Variants in FAM76A observed in about 807,000 individuals in gnomAD.
FAM76A encodes family with sequence similarity 76 member A, also known as protein FAM76A.
A neutral mutation model predicts 46.2 loss-of-function variants in FAM76A; 32 were observed. That is an observed-to-expected ratio of 0.69 (90% confidence interval 0.52 to 0.93). FAM76A has a LOEUF of 0.93. Among genes scored for constraint, FAM76A ranks in the 40% least tolerant of loss-of-function variants. FAM76A has a pLI of 0.00. For synonymous variants in FAM76A, 137 were observed against 127.0 expected, an observed-to-expected ratio of 1.08 and a Z score of -0.53; for missense variants, 274 against 361.5, an observed-to-expected ratio of 0.76 and a Z score of 1.96.
At chr1:27,741,170 C>A (rs2088145714) in intron 4 of FAM76A, among the ~76,000 whole-genome samples, 1 of 150,376 alleles carries the variant, frequency 6.6e-6, no homozygotes, top group South Asian at 2.1e-4. Context: ...TGGTGAAATA[C>A]CCAGTTTTTA....
At chr1:27,748,552 G>A (rs1468273197) in intron 5 of FAM76A, among the ~76,000 whole-genome samples, 1 of 39,560 alleles carries the variant, frequency 2.5e-5, no homozygotes, top group Non-Finnish European at 5.5e-5. Context: ...ATTGATCTCG[G>A]CTCACTGCAG....
At chr1:27,753,264 G>A (rs1347486216) in intron 6 of FAM76A, among the ~76,000 whole-genome samples, 1 of 152,202 alleles carries the variant, frequency 6.6e-6, no homozygotes, top group Non-Finnish European at 1.5e-5. Context: ...CTATTTATTG[G>A]TATGGGGGGA....
intron 3 of FAM76A, 83 bp from the exon 4 acceptor site, chr1:27,733,948 A>G: frequency 7.3e-7 from 1 of 1,378,876 alleles, no homozygotes; most frequent in Non-Finnish European, 1.0e-6. Flanking sequence ...CTAATGAACT[A>G]CAAAGTAGGA....
chr1:27,750,742 A>G (rs1243672228), intron 6 of FAM76A, among the ~76,000 whole-genome samples: 1 of 152,214 alleles, frequency 6.6e-6, no homozygotes, highest in Non-Finnish European at 1.5e-5. Context: ...TGGATACACC[A>G]AGCTAAAAAC....
chr1:27,729,762 T>TTG (rs1021465338), intron 2 of FAM76A, among the ~76,000 whole-genome samples: 3 of 152,110 alleles, frequency 2.0e-5, no homozygotes, highest in South Asian at 2.1e-4. Flanking sequence ...GCAGCTCTTT[T>TTG]TGTGTGTGTG....
intron 6 of FAM76A, among the ~76,000 whole-genome samples, chr1:27,754,703 C>T (rs945622467): frequency 1.3e-5 from 2 of 151,996 alleles, no homozygotes; most frequent in African/African-American, 2.4e-5. Flanking sequence ...AGCAGCTTCT[C>T]GGCAGATACA....
Position 27,761,335 on chromosome 1 carries a change from TAAA to T in FAM76A, c.*757_*759del, listed in dbSNP as rs1272049979. The T allele has an allele frequency of 1.3e-5, 2 of 152,652 alleles. No homozygotes were observed. The highest frequency in any genetic ancestry group is 4.8e-5 in the African/African-American group (2 of 41,544). The allele number at this position is 152,652 out of a possible 1,614,324, so 9.5% of individuals were successfully genotyped here. ...TTTCTTTCTTGTTACCTTGGAGTCT[TAAA>T]AACTGATTGCTAAGGTGAAACAATT... On this transcript the variant is annotated 3_prime_UTR_variant, in exon 9 of 9. Coordinates refer to ENST00000373954, the MANE Select transcript of FAM76A (RefSeq NM_152660.3).
At chr1:27,737,163 G>C (rs902888917) in intron 4 of FAM76A, among the ~76,000 whole-genome samples, 2 of 152,010 alleles carry the variant, frequency 1.3e-5, no homozygotes, top group South Asian at 4.2e-4. Flanking sequence ...TAGTCAGGCT[G>C]CTCTCGAATT....
chr1:27,750,893 G>T (rs947471630), intron 6 of FAM76A, among the ~76,000 whole-genome samples: 1 of 152,206 alleles, frequency 6.6e-6, no homozygotes, highest in African/African-American at 2.4e-5. Context: ...TTTTGACCAG[G>T]CACAGTCGTT....
chr1:27,745,741 A>C (rs2088231350), intron 5 of FAM76A, among the ~76,000 whole-genome samples: 1 of 152,206 alleles, frequency 6.6e-6, no homozygotes, highest in Non-Finnish European at 1.5e-5. Flanking sequence ...TTAGAGCTAG[A>C]TCTTAGGACG....
intron 2 of FAM76A, among the ~76,000 whole-genome samples, chr1:27,727,872 A>G (rs950644737): frequency 5.5e-5 from 7 of 127,734 alleles, no homozygotes; most frequent in Non-Finnish European, 1.1e-4. Flanking sequence ...AAGTGGTATG[A>G]TCTCAGCTCA....
chr1:27,756,654 A>G (rs75599408), intron 7 of FAM76A, among the ~76,000 whole-genome samples: 5,692 of 152,096 alleles, frequency 0.037, 358 homozygotes, highest in African/African-American at 0.13. Context: ...ATATCTTCAC[A>G]TTAATATCTT....
At chr1:27,737,657 G>A (rs1362251032) in intron 4 of FAM76A, among the ~76,000 whole-genome samples, 1 of 151,976 alleles carries the variant, frequency 6.6e-6, no homozygotes, top group Non-Finnish European at 1.5e-5. Flanking sequence ...ATTAAGACCA[G>A]CCTGGCCAAC....
chr1:27,747,803 C>G (rs1453359600), intron 5 of FAM76A, among the ~76,000 whole-genome samples: 1 of 152,028 alleles, frequency 6.6e-6, no homozygotes, highest in Non-Finnish European at 1.5e-5. Flanking sequence ...ACCTGTAGTC[C>G]CAGCTATTCG....
chr1:27,748,031 T>C (rs1430282328), intron 5 of FAM76A, among the ~76,000 whole-genome samples: 2 of 152,136 alleles, frequency 1.3e-5, no homozygotes, highest in East Asian at 3.8e-4. Context: ...GATAAGTTGA[T>C]CTTGAGCTAT....
At position 27,735,766 on chromosome 1, in the gene FAM76A, A is replaced by T. The variant is rs139681428; in HGVS notation, c.354+1583A>T. ...TTTCTTCATCTTTCTCCATGGGAATAACAGTAGTTACTTCACAAACACATG... is the reference window on the plus strand; with the variant it reads ...TTTCTTCATCTTTCTCCATGGGAATTACAGTAGTTACTTCACAAACACATG... On this transcript the variant is annotated intron_variant, in intron 4 of 8. Coordinates refer to ENST00000373954, the MANE Select transcript of FAM76A (RefSeq NM_152660.3). Among the ~76,000 whole-genome samples the T allele has an allele frequency of 5.9e-4, 90 of 152,330 alleles. 1 individual carries two copies. The East Asian group carries it at 0.011, about 19-fold the overall frequency.
chr1:27,727,130 G>C (rs186306127), intron 1 of FAM76A, among the ~76,000 whole-genome samples: 1 of 152,238 alleles, frequency 6.6e-6, no homozygotes, highest in Non-Finnish European at 1.5e-5. Context: ...TTTTAATCCA[G>C]CACTTTCATT....
At chr1:27,760,461 A>C (rs558516276) in intron 8 of FAM76A, 34 bp from the exon 9 acceptor site, 58 of 1,564,736 alleles carry the variant, frequency 3.7e-5, no homozygotes, top group Non-Finnish European at 4.8e-5. Flanking sequence ...CCTGTTTGAA[A>C]CATCCTTCTT....
chr1:27,727,169 G>A (rs1028636524), intron 1 of FAM76A, among the ~76,000 whole-genome samples: 1 of 152,124 alleles, frequency 6.6e-6, no homozygotes, highest in Non-Finnish European at 1.5e-5. Context: ...ATCACACAGT[G>A]GCAGAAGAAC....
Sources: gnomAD v4.1 joint callset for allele counts (sites outside exome capture counted in the v4.1 genomes callset) on GRCh38, gnomAD v4.1.1 for gene constraint, MANE v1.5 for transcripts, NCBI Gene and HGNC (gene_info 2026-07-23, HGNC 2026-07-21) for gene names.